NOL4: variants seen among roughly 807,000 people sequenced by gnomAD.
NOL4 encodes the protein cancer/testis antigen 125.
In NOL4, 17 loss-of-function variants were observed where a neutral mutation model predicts 75.9. That is an observed-to-expected ratio of 0.22 (90% CI 0.15 to 0.34). NOL4 has a LOEUF of 0.34. NOL4 is among the 10% of genes least tolerant of loss of function. The pLI, the probability that NOL4 is intolerant of heterozygous loss-of-function variation, is 1.00. For synonymous variants in NOL4, 292 were observed against 289.9 expected, an observed-to-expected ratio of 1.01 and a Z score of -0.07; for missense variants, 614 against 793.5, an observed-to-expected ratio of 0.77 and a Z score of 2.72.
chr18:33,887,050 A>AATATATATAG (rs1208700420), intron 9 of NOL4, among the ~76,000 whole-genome samples: 3 of 136,588 alleles, frequency 2.2e-5, no homozygotes, highest in Non-Finnish European at 3.1e-5. Context: ...ATCTAGATCT[A>AATATATATAG]ATATATATCT....
chr18:33,996,093 AG>A, intron 6 of NOL4, among the ~76,000 whole-genome samples: 1 of 151,894 alleles, frequency 6.6e-6, no homozygotes. Flanking sequence ...AATTAACCAA[AG>A]ATCAGAATAA....
At chr18:33,971,036 G>T (rs1312239600) in intron 6 of NOL4, among the ~76,000 whole-genome samples, 1 of 152,126 alleles carries the variant, frequency 6.6e-6, no homozygotes, top group Non-Finnish European at 1.5e-5. Flanking sequence ...TTTTCATTTT[G>T]ACTAGGTGTC....
chr18:34,016,099 C>T (rs963730137), intron 6 of NOL4, among the ~76,000 whole-genome samples: 1 of 151,970 alleles, frequency 6.6e-6, no homozygotes, highest in South Asian at 2.1e-4. Flanking sequence ...GAATGGCACT[C>T]CCAGGAGTTT....
At chr18:34,210,909 A>C (rs1449332851) in intron 1 of NOL4, among the ~76,000 whole-genome samples, 1 of 152,198 alleles carries the variant, frequency 6.6e-6, no homozygotes, top group African/African-American at 2.4e-5. Context: ...ATTTGTTTAT[A>C]TAAGGACAGA....
At chr18:33,896,092 G>A (rs915258871) in intron 9 of NOL4, among the ~76,000 whole-genome samples, 1 of 151,880 alleles carries the variant, frequency 6.6e-6, no homozygotes, top group Admixed American at 6.6e-5. Flanking sequence ...TACAGCTAAC[G>A]AGGGAGGTGA....
chr18:34,058,654 C>T (rs2076933732), intron 5 of NOL4, among the ~76,000 whole-genome samples: 1 of 152,116 alleles, frequency 6.6e-6, no homozygotes. Context: ...TTGCAATCTT[C>T]ATAACAAATC....
intron 9 of NOL4, among the ~76,000 whole-genome samples, chr18:33,923,369 G>A (rs1477352237): frequency 1.3e-5 from 2 of 151,698 alleles, no homozygotes; most frequent in African/African-American, 2.4e-5. Context: ...ACACACCTTA[G>A]TCATCATTGA....
At chr18:34,089,774 G>A (rs2078419757) in intron 5 of NOL4, among the ~76,000 whole-genome samples, 1 of 152,194 alleles carries the variant, frequency 6.6e-6, no homozygotes, top group Non-Finnish European at 1.5e-5. Context: ...ACATGCAGCA[G>A]GTAGAGGCCA....
intron 1 of NOL4, among the ~76,000 whole-genome samples, chr18:34,159,928 G>C (rs1470989293): frequency 6.6e-6 from 1 of 152,058 alleles, no homozygotes; most frequent in African/African-American, 2.4e-5. Flanking sequence ...GTGGGGTGGA[G>C]TTGTCAGCTG....
intron 1 of NOL4, chr18:34,222,126 C>A: frequency 6.5e-7 from 1 of 1,532,920 alleles, no homozygotes; most frequent in East Asian, 2.5e-5. Context: ...GGCTCCCCAG[C>A]CCCACTGGCT....
chr18:33,944,482 T>C (rs2068708208), intron 8 of NOL4, among the ~76,000 whole-genome samples: 1 of 151,860 alleles, frequency 6.6e-6, no homozygotes, highest in South Asian at 2.1e-4. Context: ...TGCAGCTGCC[T>C]TAGCAGACTT....
chr18:33,902,115 A>G (rs2144997997), intron 9 of NOL4, among the ~76,000 whole-genome samples: 1 of 152,210 alleles, frequency 6.6e-6, no homozygotes, highest in Non-Finnish European at 1.5e-5. Context: ...AAGGTTTGTG[A>G]AAGAGAATTT....
chr18:33,938,774 A>C (rs1372931251), intron 9 of NOL4, among the ~76,000 whole-genome samples: 1 of 152,096 alleles, frequency 6.6e-6, no homozygotes, highest in Non-Finnish European at 1.5e-5. Context: ...GAAGCTCTTT[A>C]GTTTAATTAG....
At chr18:33,909,847 T>C (rs577012238) in intron 9 of NOL4, among the ~76,000 whole-genome samples, 1 of 150,770 alleles carries the variant, frequency 6.6e-6, no homozygotes, top group South Asian at 2.1e-4. Flanking sequence ...AAAAAAAAAT[T>C]ATTTCATGCA....
intron 6 of NOL4, among the ~76,000 whole-genome samples, chr18:33,982,595 T>C (rs1197469226): frequency 6.6e-6 from 1 of 152,098 alleles, no homozygotes; most frequent in African/African-American, 2.4e-5. Context: ...GAGAAATAGA[T>C]TAGTCTGTTA....
At chr18:33,990,316 T>C (rs1156577664) in intron 6 of NOL4, among the ~76,000 whole-genome samples, 6 of 152,086 alleles carry the variant, frequency 3.9e-5, no homozygotes, top group Non-Finnish European at 2.9e-5. Flanking sequence ...CATCCTATTA[T>C]GCTGTATATC....
At chr18:34,047,719 A>AT (rs2076446035) in intron 5 of NOL4, among the ~76,000 whole-genome samples, 1 of 152,142 alleles carries the variant, frequency 6.6e-6, no homozygotes, top group Non-Finnish European at 1.5e-5. Flanking sequence ...CATATGCTTC[A>AT]TAAGAATTGG....
At chr18:33,867,112 ATAGTTTACTTG>A (rs2063466772) in intron 10 of NOL4, among the ~76,000 whole-genome samples, 1 of 152,178 alleles carries the variant, frequency 6.6e-6, no homozygotes, top group African/African-American at 2.4e-5. Flanking sequence ...AGTACTATTT[ATAGTTTACTTG>A]TAAATACCGT....
At chr18:33,900,576 G>C (rs2065687488) in intron 9 of NOL4, among the ~76,000 whole-genome samples, 1 of 151,974 alleles carries the variant, frequency 6.6e-6, no homozygotes, top group South Asian at 2.1e-4. Context: ...GCAAGTTCTA[G>C]CTAAAATGTA....
Sources: gnomAD v4.1 joint callset for allele counts (sites outside exome capture counted in the v4.1 genomes callset) on GRCh38, gnomAD v4.1.1 for gene constraint, MANE v1.5 for transcripts, NCBI Gene and HGNC (gene_info 2026-07-23, HGNC 2026-07-21) for gene names.